Variants in CACNA1A observed in about 807,000 individuals in gnomAD.
The protein encoded by CACNA1A is voltage-dependent P/Q-type calcium channel subunit alpha-1A.
CACNA1A carries 57 observed loss-of-function variants against 262.4 expected under a neutral mutation model. That is an observed-to-expected ratio of 0.22 (90% CI 0.18 to 0.27). CACNA1A has a LOEUF of 0.27. CACNA1A is among the 10% of genes least tolerant of loss of function. The probability of loss-of-function intolerance (pLI) is 1.00; values close to 1 mark genes in which losing one functional copy is unlikely to be tolerated. For synonymous variants in CACNA1A, 1,431 were observed against 1,419.3 expected (o/e 1.01, Z -0.18); for missense variants, 2,526 against 3,562.8 (o/e 0.71, Z 7.41).
intron 1 of CACNA1A, among the ~76,000 whole-genome samples, chr19:13,500,361 C>A (rs897552923): frequency 6.6e-6 from 1 of 152,090 alleles, no homozygotes; most frequent in Non-Finnish European, 1.5e-5. Context: ...GGTAGAACTA[C>A]CAGGGAGGGG....
intron 1 of CACNA1A, among the ~76,000 whole-genome samples, chr19:13,494,137 A>T (rs921036915): frequency 1.3e-5 from 2 of 152,232 alleles, no homozygotes; most frequent in Non-Finnish European, 2.9e-5. Context: ...GTGCAACTAT[A>T]CATGGTGGCC....
intron 3 of CACNA1A, among the ~76,000 whole-genome samples, chr19:13,448,082 G>GA (rs36078876): frequency 0.088 from 10,746 of 121,974 alleles, 490 homozygotes; most frequent in Middle Eastern, 0.12. Flanking sequence ...GTGTTATTAT[G>GA]AAAAAAAAAA....
chr19:13,251,252 G>A, intron 30 of CACNA1A, among the ~76,000 whole-genome samples: 1 of 151,992 alleles, frequency 6.6e-6, no homozygotes, highest in African/African-American at 2.4e-5. Flanking sequence ...GGGAGGCCGA[G>A]GCGGGCGGAT....
chr19:13,469,615 A>ATTTT (rs745335031), intron 1 of CACNA1A, among the ~76,000 whole-genome samples: 1,375 of 133,782 alleles, frequency 0.01, 17 homozygotes, highest in African/African-American at 0.035. Context: ...CGCCTGGCTA[A>ATTTT]TTTTTTTTTT....
At chr19:13,246,054 A>C (rs2056226093) in intron 30 of CACNA1A, among the ~76,000 whole-genome samples, 1 of 152,196 alleles carries the variant, frequency 6.6e-6, no homozygotes, top group Non-Finnish European at 1.5e-5. Context: ...ATTTGAACCC[A>C]GGCCTCAGAG....
At chr19:13,232,200 CTCTCT>C (rs963400109) in intron 34 of CACNA1A, among the ~76,000 whole-genome samples, 3 of 150,912 alleles carry the variant, frequency 2.0e-5, no homozygotes, top group African/African-American at 7.3e-5. Context: ...TTCTCTCTCT[CTCTCT>C]TTTTTTTTTT....
At chr19:13,499,104 T>C (rs1382837248) in intron 1 of CACNA1A, among the ~76,000 whole-genome samples, 4 of 152,046 alleles carry the variant, frequency 2.6e-5, no homozygotes. Flanking sequence ...GAGCAAAGTT[T>C]TTCTGTGGAG....
At chr19:13,444,997 G>A (rs913621555) in intron 3 of CACNA1A, among the ~76,000 whole-genome samples, 3 of 151,882 alleles carry the variant, frequency 2.0e-5, no homozygotes, top group East Asian at 1.9e-4. Flanking sequence ...AAAATTACCC[G>A]GGCTTGGTGG....
At chr19:13,334,086 A>G in intron 8 of CACNA1A, 2 of 330,582 alleles carry the variant, frequency 6.0e-6, no homozygotes, top group Non-Finnish European at 1.1e-5. Context: ...ACAGCTGAGG[A>G]AACGGAGGTA....
Position 13,286,977 on chromosome 19 carries a change from C to CA in CACNA1A, c.3090-12dup. ...GAGCCCTGGTTCTCTCTGAGGAAGG[C>CA]AAGTGAATGAAAAAGAACCAACAAC... On this transcript the variant is annotated splice_polypyrimidine_tract_variant and intron_variant, in intron 19 of 46. Coordinates refer to ENST00000360228, the MANE Select transcript of CACNA1A (RefSeq NM_001127222.2). 3.2e-6 allele frequency: 5 copies of CA among 1,558,554 alleles called. No individual in the cohort carries two copies. The South Asian group carries it at 4.7e-5, about 15-fold the overall frequency.
intron 10 of CACNA1A, among the ~76,000 whole-genome samples, chr19:13,328,215 T>G (rs1390076181): frequency 1.3e-5 from 2 of 152,172 alleles, no homozygotes; most frequent in Non-Finnish European, 2.9e-5. Flanking sequence ...ATAAAACAGA[T>G]TTTAAACAAT....
chr19:13,305,347 G>A (rs1600286397), intron 15 of CACNA1A, among the ~76,000 whole-genome samples: 2 of 152,168 alleles, frequency 1.3e-5, no homozygotes, highest in Admixed American at 1.3e-4. Context: ...CCAAGGCAAA[G>A]GATTAGGTGT....
chr19:13,350,439 G>A (rs752168258), intron 6 of CACNA1A, among the ~76,000 whole-genome samples: 5 of 152,172 alleles, frequency 3.3e-5, no homozygotes, highest in East Asian at 3.8e-4. Flanking sequence ...CAAGGAGTTC[G>A]TGAATTTAGA....
intron 24 of CACNA1A, among the ~76,000 whole-genome samples, chr19:13,264,353 C>G (rs953446058): frequency 2.0e-5 from 3 of 152,208 alleles, no homozygotes; most frequent in Non-Finnish European, 2.9e-5. Flanking sequence ...GCCATCCCCC[C>G]TCACCCGTCT....
intron 24 of CACNA1A, among the ~76,000 whole-genome samples, chr19:13,268,988 C>T (rs886907): frequency 0.48 from 72,473 of 149,798 alleles, 18,508 homozygotes; most frequent in African/African-American, 0.63. Context: ...CGTAAGCCAC[C>T]GCACCCGGCT....
chr19:13,254,423 C>T (rs184251932), intron 29 of CACNA1A, among the ~76,000 whole-genome samples: 81 of 151,370 alleles, frequency 5.4e-4, no homozygotes, highest in Non-Finnish European at 1.1e-3. Flanking sequence ...AGTGCAATTG[C>T]GCTATCTCGG....
chr19:13,447,909 C>T (rs545685110), intron 3 of CACNA1A, among the ~76,000 whole-genome samples: 1 of 152,186 alleles, frequency 6.6e-6, no homozygotes, highest in East Asian at 1.9e-4. Flanking sequence ...GTGAGTCTGC[C>T]TCTCCTAGTT....
intron 19 of CACNA1A, among the ~76,000 whole-genome samples, chr19:13,294,220 C>T (rs67511354): frequency 4.0e-5 from 4 of 99,802 alleles, no homozygotes; most frequent in Non-Finnish European, 6.0e-5. Flanking sequence ...AAAAAAAAAA[C>T]AAACAAAACC....
At chr19:13,392,538 GAC>G (rs1391649425) in intron 3 of CACNA1A, among the ~76,000 whole-genome samples, 1 of 152,224 alleles carries the variant, frequency 6.6e-6, no homozygotes, top group Non-Finnish European at 1.5e-5. Flanking sequence ...TGAATTCCCA[GAC>G]ATTCAGTGGG....
Sources: allele counts gnomAD v4.1 joint callset (sites outside exome capture counted in the v4.1 genomes callset), GRCh38; gene constraint gnomAD v4.1.1; transcripts MANE v1.5; gene names NCBI Gene and HGNC (gene_info 2026-07-23, HGNC 2026-07-21).